The following EXD3 variants were observed in gnomAD, a reference collection of about 807,000 sequenced individuals.
EXD3 encodes the protein exonuclease 3'-5' domain containing 3, also known as exonuclease mut-7 homolog.
Under a neutral mutation model 98.0 loss-of-function variants are expected in EXD3, and 92 were observed. The ratio of observed to expected loss-of-function variants is 0.94; its 90% CI spans 0.79 to 1.12. The LOEUF is 1.12. EXD3 is among the 50% of genes most tolerant of loss of function. The pLI is 0.00. For missense variants in EXD3, 1,222 were observed against 1,191.6 expected (o/e 1.03, Z -0.38); for synonymous variants, 569 against 526.0 (o/e 1.08, Z -1.12).
At chr9:137,312,640 G>A (rs1260563160) in intron 19 of EXD3, among the ~76,000 whole-genome samples, 1 of 152,212 alleles carries the variant, frequency 6.6e-6, no homozygotes, top group Non-Finnish European at 1.5e-5. Context: ...CTCAGCCACT[G>A]CCCCAGAGCT....
rs1377168353 is a variant in EXD3, at chr9:137,324,069, G to A, written c.2052+21C>T. On this transcript the variant is annotated intron_variant, in intron 18 of 21. Coordinates refer to ENST00000340951, the MANE Select transcript of EXD3 (RefSeq NM_017820.5). The surrounding 1 kb of genome is among the most constrained non-coding windows in gnomAD (Gnocchi z 4.1). ...GGAAGATGGGGCTCAGGCCCACTGA[G>A]CTTATCTTTGGGACACTCACCTTGT... The A allele has an allele frequency of 1.9e-6, 3 of 1,577,888 alleles. No individual in the cohort carries two copies. Among genetic ancestry groups the A allele is most frequent in the East Asian group, 4.7e-5 (2 of 42,984 alleles).
intron 1 of EXD3, among the ~76,000 whole-genome samples, chr9:137,411,010 A>G (rs967196758): frequency 1.3e-5 from 2 of 152,190 alleles, no homozygotes; most frequent in South Asian, 2.1e-4. Flanking sequence ...CCCCAGCCTC[A>G]GTGCAGATTT....
chr9:137,348,538 A>G (rs1294908116), intron 16 of EXD3, among the ~76,000 whole-genome samples: 22 of 27,110 alleles, frequency 8.1e-4, no homozygotes, highest in South Asian at 3.4e-3. Flanking sequence ...TGGGGATCAC[A>G]AGGAGGGGGT....
chr9:137,416,617 T>A (rs1838241538), intron 1 of EXD3, among the ~76,000 whole-genome samples: 1 of 152,100 alleles, frequency 6.6e-6, no homozygotes, highest in Non-Finnish European at 1.5e-5. Flanking sequence ...TAACACGTGC[T>A]GGGCAACCCG....
chr9:137,388,943 G>A (rs868042505), intron 2 of EXD3, among the ~76,000 whole-genome samples: 6 of 152,140 alleles, frequency 3.9e-5, no homozygotes, highest in African/African-American at 7.2e-5. Flanking sequence ...GACCGCCCAC[G>A]GACAGCAGAA....
Position 137,309,680 on chromosome 9 carries a change from G to A in EXD3, c.2205C>T (p.Tyr735=), listed in dbSNP as rs1450205117. 3 of 1,556,940 alleles carry A rather than the reference G, an allele frequency of 1.9e-6. No individual in the cohort carries two copies. The highest frequency in any genetic ancestry group is 1.9e-5 in the Admixed American group (1 of 51,786). The part of the protein sequence containing the change: ...SRCQACNCDQ[Y]LKVSRDMMKQ... ...TCATCATGTCCCTGGAGACCTTTAG[G>A]TACTGGTCACAGTTACAGGCCTGGG... is the stretch of plus-strand genomic sequence containing the variant. The change falls in exon 20 of 22, where the codon TAC becomes TAT. Residue 735 remains tyrosine, a synonymous_variant. Coordinates refer to ENST00000340951, the MANE Select transcript of EXD3 (RefSeq NM_017820.5).
chr9:137,401,851 G>A (rs1049696477), intron 1 of EXD3, among the ~76,000 whole-genome samples: 2 of 152,222 alleles, frequency 1.3e-5, no homozygotes, highest in Non-Finnish European at 2.9e-5. Context: ...ATGACCTGGA[G>A]ACATTTTCCC....
rs1193212023 is a variant in EXD3, at chr9:137,307,611, G to T, written c.2314C>A (p.Pro772Thr). Residue 772 changes from proline to threonine, a missense_variant, in exon 21 of 22, where the codon CCA becomes ACA. Pro to Thr is a conservative substitution (Grantham distance 38, BLOSUM62 -1). Transcript: ENST00000340951. ...EATQSQAVQE[P>T]GPAPDAAPEG... ...GGTGGGCGGTCCCGGGGCTCACCTG[G>T]CTCCTGCACCGCCTGGCTCTGGGTG... 1 of 1,610,130 alleles carries T rather than the reference G, an allele frequency of 6.2e-7. No individual in the cohort carries two copies. Among genetic ancestry groups the T allele is most frequent in the Non-Finnish European group, 8.5e-7 (1 of 1,179,668 alleles).
Position 137,405,027 on chromosome 9 carries a change from C to T in EXD3, c.-47-9623G>A, listed in dbSNP as rs1032670246. ...ACACAGTGCTATCCCCCAGGCGAGC[C>T]GGGTGCTGGGAGGGGACACGTGCTG... On this transcript the variant is annotated intron_variant, in intron 1 of 21. Transcript: ENST00000340951. The surrounding 1 kb of genome is among the most constrained non-coding windows in gnomAD (Gnocchi z 4.1). 1.3e-5 allele frequency among the ~76,000 whole-genome samples: 2 copies of T among 152,144 alleles called. No individual in the cohort carries two copies. The highest frequency in any genetic ancestry group is 1.9e-4 in the East Asian group (1 of 5,192).
chr9:137,376,878 G>A (rs1216227687), intron 3 of EXD3, among the ~76,000 whole-genome samples: 1 of 147,338 alleles, frequency 6.8e-6, no homozygotes, highest in Non-Finnish European at 1.5e-5. Context: ...GCGGTGAGCC[G>A]AGATTGCGCC....
chr9:137,368,417 G>T (rs945668103), intron 5 of EXD3, among the ~76,000 whole-genome samples: 3 of 152,200 alleles, frequency 2.0e-5, no homozygotes, highest in African/African-American at 7.2e-5. Flanking sequence ...ACGGGCCAAG[G>T]CTGAGGACCC....
At chr9:137,307,565 C>T in intron 21 of EXD3, 43 bp downstream of exon 21, 3 of 1,604,208 alleles carry the variant, frequency 1.9e-6, no homozygotes, top group East Asian at 4.5e-5. Context: ...ACCAGGGCCG[C>T]AGAGAAGCAG....
chr9:137,326,985 G>T (rs1244049456), intron 17 of EXD3, among the ~76,000 whole-genome samples: 1 of 151,952 alleles, frequency 6.6e-6, no homozygotes, highest in Non-Finnish European at 1.5e-5. Flanking sequence ...ACGACACGCC[G>T]AGTGAAAGAT....
At chr9:137,329,144 GA>G (rs1456184656) in intron 17 of EXD3, among the ~76,000 whole-genome samples, 3 of 9,032 alleles carry the variant, frequency 3.3e-4, no homozygotes, top group African/African-American at 7.7e-4. Flanking sequence ...AGCTACACGG[GA>G]GCTACACGGG....
chr9:137,336,970 C>G (rs1333998859), intron 17 of EXD3, among the ~76,000 whole-genome samples: 1 of 152,054 alleles, frequency 6.6e-6, no homozygotes, highest in Admixed American at 6.6e-5. Flanking sequence ...GACTGTCAGA[C>G]TAGATTTTTT....
intron 2 of EXD3, among the ~76,000 whole-genome samples, chr9:137,387,854 C>T (rs1487822835): frequency 6.6e-6 from 1 of 152,206 alleles, no homozygotes; most frequent in Non-Finnish European, 1.5e-5. Context: ...CCGTGGGTGG[C>T]CTCTGGCCCC....
chr9:137,309,705 G>A lies in EXD3; in HGVS notation c.2185-5C>T, dbSNP rs1356125386. On this transcript the variant is annotated splice_polypyrimidine_tract_variant and splice_region_variant and intron_variant, in intron 19 of 21. Coordinates refer to ENST00000340951, the MANE Select transcript of EXD3 (RefSeq NM_017820.5). ...GTACTGGTCACAGTTACAGGCCTGG[G>A]GGCCAGAGGGGGTGCTGAGGCCCAG... 6.4e-7 allele frequency: 1 copy of A among 1,550,714 alleles called. No individual in the cohort carries two copies. The highest frequency in any genetic ancestry group is 8.7e-7 in the Non-Finnish European group (1 of 1,147,200).
chr9:137,353,303 G>C, intron 10 of EXD3: 2 of 985,298 alleles, frequency 2.0e-6, no homozygotes, highest in Non-Finnish European at 2.4e-6. Context: ...AGCCTCTGCC[G>C]GCCCTCCTGC....
At chr9:137,414,317 G>A (rs574417673) in intron 1 of EXD3, among the ~76,000 whole-genome samples, 6 of 152,374 alleles carry the variant, frequency 3.9e-5, no homozygotes, top group African/African-American at 1.4e-4. Context: ...CCGTGGCTGA[G>A]TCCTGCCCCA....
Sources: allele counts gnomAD v4.1 joint callset (sites outside exome capture counted in the v4.1 genomes callset), GRCh38; gene constraint gnomAD v4.1.1; non-coding constraint Gnocchi (gnomAD v3.1); transcripts MANE v1.5; gene names NCBI Gene and HGNC (gene_info 2026-07-23, HGNC 2026-07-21).